Variants in DNAH2 observed in about 807,000 individuals in gnomAD.
DNAH2 encodes dynein axonemal heavy chain 2, also known as axonemal beta dynein heavy chain 2.
In DNAH2, 323 loss-of-function variants were observed where a neutral mutation model predicts 523.5. The observed-to-expected ratio is 0.62, with a 90% confidence interval of 0.56 to 0.68. The LOEUF (loss-of-function observed/expected upper bound fraction) is 0.68. Ranked by LOEUF, DNAH2 falls within the 30% of genes least tolerant of loss-of-function variation. The pLI, the probability that DNAH2 is intolerant of heterozygous loss-of-function variation, is 0.00. For missense variants in DNAH2, 4,907 were observed against 5,701.5 expected, an observed-to-expected ratio of 0.86 and a Z score of 4.49; for synonymous variants, 2,093 against 2,177.4, an observed-to-expected ratio of 0.96 and a Z score of 1.08.
In DNAH2 at chr17:7,740,453, G is replaced by A. The variant is rs1597492130; in HGVS notation, c.1410G>A (p.Met470Ile). The change falls in exon 10 of 86, where the codon ATG (methionine) becomes ATA (isoleucine). Residue 470 changes from methionine to isoleucine, a missense_variant. Around this residue, in one of 3 missense-constraint regions of DNAH2, gnomAD observed 2,806 missense variants for 3,190.8 expected, o/e 0.88. Coordinates refer to ENST00000572933, the MANE Select transcript of DNAH2 (RefSeq NM_020877.5). Reference protein sequence around the residue: ...FRAGIKDLEVMTQNLITSAFE... With the variant: ...FRAGIKDLEVITQNLITSAFE... ...CCGGAATCAAGGACCTGGAGGTGAT[G>A]ACCCAGAACCTGATCACCTCAGCCT... 1 of 1,614,178 alleles carries A rather than the reference G, an allele frequency of 6.2e-7. No homozygotes were observed. Among genetic ancestry groups the A allele is most frequent in the Non-Finnish European group, 8.5e-7 (1 of 1,180,020 alleles).
intron 2 of DNAH2, among the ~76,000 whole-genome samples, 168 bp from the exon 3 acceptor site, chr17:7,723,460 C>T (rs774535769): frequency 2.6e-5 from 4 of 151,418 alleles, no homozygotes; most frequent in East Asian, 1.9e-4. Flanking sequence ...TTAGTAGAGA[C>T]GGGGTTTCAC....
intron 77 of DNAH2, among the ~76,000 whole-genome samples, chr17:7,829,164 G>C (rs1216512349): frequency 6.6e-6 from 1 of 152,096 alleles, no homozygotes; most frequent in East Asian, 1.9e-4. Context: ...ACAGGTGCGT[G>C]TCACCACGCC....
At position 7,758,520 on chromosome 17, in the gene DNAH2, G is replaced by C; in HGVS notation, c.2077G>C (p.Glu693Gln). 1 of 1,614,076 alleles carries C rather than the reference G, an allele frequency of 6.2e-7. No homozygotes were observed. Among genetic ancestry groups the C allele is most frequent in the Non-Finnish European group, 8.5e-7 (1 of 1,180,016 alleles). Residue 693 changes from glutamate (E) to glutamine (Q), a missense_variant, in exon 14 of 86, where the codon GAG becomes CAG. Physicochemically the swap from Glu to Gln is conservative, Grantham distance 29 (BLOSUM62 2). This residue lies in a region of DNAH2 where 2,806 missense variants were observed against 3,190.8 expected (regional missense o/e 0.88). Transcript: ENST00000572933. ...NRIIAMLSPDEQALFKERIRL... is the reference protein window; with the variant it reads ...NRIIAMLSPDQQALFKERIRL... ...GATTATTGCCATGCTGTCCCCAGAT[G>C]AGCAGGCCCTATTCAAAGAGCGTAT...
At chr17:7,778,647 C>T (rs1297538051) in intron 35 of DNAH2, among the ~76,000 whole-genome samples, 178 bp downstream of exon 35, 1 of 152,186 alleles carries the variant, frequency 6.6e-6, no homozygotes, top group African/African-American at 2.4e-5. Context: ...CGGTTCACTG[C>T]AACCTTTGCC....
Position 7,757,102 on chromosome 17 carries a change from T to G in DNAH2, c.1916T>G (p.Ile639Ser). The G allele has an allele frequency of 2.5e-6, 4 of 1,614,128 alleles. No individual in the cohort carries two copies. Among genetic ancestry groups the G allele is most frequent in the Non-Finnish European group, 3.4e-6 (4 of 1,179,996 alleles). ...GCTCTCTCTCAAAGGTCCCTTCTGA[T>G]TCTCTTTGCGGAAATTGACTACTGG... is the stretch of plus-strand genomic sequence containing the variant. ...LDVNFDKSLL[I>S]LFAEIDYWER... is the part of the protein sequence containing the mutation. Residue 639 changes from isoleucine to serine, a missense_variant, in exon 13 of 86, where the codon ATT (isoleucine) becomes AGT (serine). Physicochemically the swap from Ile to Ser is moderately radical, Grantham distance 142. This residue lies in a region of DNAH2 where 2,806 missense variants were observed against 3,190.8 expected (regional missense o/e 0.88). Transcript: ENST00000572933.
Position 7,758,628 on chromosome 17 carries a change from G to T in DNAH2, c.2185G>T (p.Glu729Ter). Residue 729 changes from glutamate to a stop codon, truncating the protein, a stop_gained, in exon 14 of 86, where the codon GAG becomes TAG. Coordinates refer to ENST00000572933, the MANE Select transcript of DNAH2 (RefSeq NM_020877.5). LOFTEE classifies it high-confidence loss of function. ...GGGGGCCAGTGCCTTCTTCATCACGGAGTGCCGTATACATGCCAGCAAGGT... is the reference window on the plus strand; with the variant it reads ...GGGGGCCAGTGCCTTCTTCATCACGTAGTGCCGTATACATGCCAGCAAGGT... ...LKGASAFFIT[E>*]CRIHASKVQM... 1 of 1,613,946 alleles carries T rather than the reference G, an allele frequency of 6.2e-7. No individual in the cohort carries two copies. Among genetic ancestry groups the T allele is most frequent in the South Asian group, 1.1e-5 (1 of 90,976 alleles).
chr17:7,748,607 C>T lies in DNAH2; in HGVS notation c.1904+5465C>T, dbSNP rs139721607. Among the ~76,000 whole-genome samples, 5 of 152,268 alleles carry T rather than the reference C, an allele frequency of 3.3e-5. No individual in the cohort carries two copies. In the East Asian group the frequency reaches 9.7e-4, roughly 29 times the overall value. On this transcript the variant is annotated intron_variant, in intron 12 of 85. Transcript: ENST00000572933. The stretch of plus-strand genomic sequence containing the variant: ...GCCTCCCGGGCTCAAGCAACCCTCC[C>T]ACCTCAGCTTCCTGAGTACTGGGAA...
chr17:7,719,664 G>A (rs2074535462), intron 1 of DNAH2, 57 bp from the exon 2 acceptor site: 2 of 1,599,362 alleles, frequency 1.3e-6, no homozygotes, highest in South Asian at 1.1e-5. Context: ...CTTGTATCAG[G>A]GGGCTGGTTC....
Position 7,830,647 on chromosome 17 carries a change from A to T in DNAH2, c.12046-11A>T. 6.2e-7 allele frequency: 1 copy of T among 1,613,662 alleles called. No individual in the cohort carries two copies. Among genetic ancestry groups the T allele is most frequent in the Non-Finnish European group, 8.5e-7 (1 of 1,179,590 alleles). On this transcript the variant is annotated splice_polypyrimidine_tract_variant and intron_variant, in intron 78 of 85. Coordinates refer to ENST00000572933, the MANE Select transcript of DNAH2 (RefSeq NM_020877.5). ...TCTGGGAATGGGGGCTTGGGCTGGGATCATGCCTAGGTGTCAGAAAACTTG... is the reference window on the plus strand; with the variant it reads ...TCTGGGAATGGGGGCTTGGGCTGGGTTCATGCCTAGGTGTCAGAAAACTTG...
chr17:7,766,829 G>C (rs2076183006), intron 22 of DNAH2, among the ~76,000 whole-genome samples: 1 of 151,378 alleles, frequency 6.6e-6, no homozygotes, highest in African/African-American at 2.4e-5. Context: ...TATATTTTTA[G>C]TATAGAGATG....
rs1356677443 is a variant in DNAH2, at chr17:7,771,336, T to C, written c.4369T>C (p.Phe1457Leu). ...QRQWMYLENI[F>L]LGEDIRKQLP... ...CAACTTTTGGCCCCCTCAGAATATC[T>C]TCCTAGGAGAAGACATCCGCAAGCA... Residue 1457 changes from phenylalanine (F) to leucine (L), a missense_variant, in exon 28 of 86, where the codon TTC (phenylalanine) becomes CTC (leucine). Around this residue, in one of 3 missense-constraint regions of DNAH2, gnomAD observed 2,806 missense variants for 3,190.8 expected, o/e 0.88. Transcript: ENST00000572933. 6.2e-7 allele frequency: 1 copy of C among 1,614,078 alleles called. No homozygotes were observed. The highest frequency in any genetic ancestry group is 8.5e-7 in the Non-Finnish European group (1 of 1,180,002).
chr17:7,780,110 C>T lies in DNAH2; in HGVS notation c.5723-47C>T. 6.3e-7 allele frequency: 1 copy of T among 1,577,584 alleles called. No homozygotes were observed. The highest frequency in any genetic ancestry group is 8.6e-7 in the Non-Finnish European group (1 of 1,160,616). The stretch of plus-strand genomic sequence containing the variant: ...GGAAAGTGGGTTTGGGGAAGCAAAT[C>T]AAGATGAGGAAATATATGATTCTAA... On this transcript the variant is annotated intron_variant, in intron 36 of 85. Coordinates refer to ENST00000572933, the MANE Select transcript of DNAH2 (RefSeq NM_020877.5). This position sits in a 1 kb window ranked among gnomAD's most constrained non-coding sequence, Gnocchi z 4.4.
chr17:7,816,591 G>A lies in DNAH2; in HGVS notation c.9750G>A (p.Met3250Ile). The A allele has an allele frequency of 1.2e-6, 2 of 1,614,242 alleles. No homozygotes were observed. The highest frequency in any genetic ancestry group is 1.7e-6 in the Non-Finnish European group (2 of 1,180,044). The part of the protein sequence containing the change: ...KLREVAEKLE[M>I]LKKQYDEKLA... Reference sequence around the variant, plus strand: ...CCCAGGTAGCTGAGAAACTGGAGATGCTAAAGAAACAGTATGATGAGAAGC... The same window carrying A: ...CCCAGGTAGCTGAGAAACTGGAGATACTAAAGAAACAGTATGATGAGAAGC... The change falls in exon 64 of 86, where the codon ATG becomes ATA. Residue 3250 changes from methionine to isoleucine, a missense_variant. Met to Ile is a conservative substitution (Grantham distance 10). Transcript: ENST00000572933.
rs2075962012 is a variant in DNAH2, at chr17:7,760,047, C to T, written c.2785+109C>T. ...TTTCCAGGCATACTGGGCCAGTCAC[C>T]TCCCTGACCTGGGGAAAACTCAGGT... On this transcript the variant is annotated intron_variant, in intron 17 of 85. Coordinates refer to ENST00000572933, the MANE Select transcript of DNAH2 (RefSeq NM_020877.5). This position sits in a 1 kb window ranked among gnomAD's most constrained non-coding sequence, Gnocchi z 4.0. The T allele has an allele frequency of 2.0e-6, 3 of 1,521,838 alleles. No individual in the cohort carries two copies. The highest frequency in any genetic ancestry group is 1.8e-6 in the Non-Finnish European group (2 of 1,113,128). The allele number at this position is 1,521,838 out of a possible 1,614,324, so 94.3% of individuals were successfully genotyped here.
rs143277965 is a variant in DNAH2 at position 7,807,506 on chromosome 17, C to T, written c.9649C>T (p.Arg3217Ter). 1.7e-5 allele frequency: 28 copies of T among 1,613,388 alleles called. No individual in the cohort carries two copies. The highest frequency in any genetic ancestry group is 4.4e-5 in the South Asian group (4 of 91,092). Residue 3217 changes from arginine (R) to a stop codon, truncating the protein, a stop_gained, in exon 63 of 86, where the codon CGA (arginine) becomes TGA (stop). Transcript: ENST00000572933. LOFTEE classifies it high-confidence loss of function. The surrounding 1 kb of genome is among the most constrained non-coding windows in gnomAD (Gnocchi z 5.6). Reference protein sequence around the residue: ...GRLYRVVEPKRIRMNAALAQL... With the variant: ...GRLYRVVEPK The stretch of plus-strand genomic sequence containing the variant: ...GCTATATCGGGTGGTGGAGCCCAAG[C>T]GAATCCGAATGAACGCTGCCTTGGC...
intron 3 of DNAH2, among the ~76,000 whole-genome samples, chr17:7,726,562 C>T (rs1442471822): frequency 3.9e-5 from 6 of 152,142 alleles, no homozygotes; most frequent in Admixed American, 2.6e-4. Context: ...CTCGGCCTCC[C>T]AAAGTGCTGG....
chr17:7,737,084 A>G lies in DNAH2; in HGVS notation c.996A>G (p.Ala332=). The G allele has an allele frequency of 6.2e-7, 1 of 1,614,094 alleles. No individual in the cohort carries two copies. The highest frequency in any genetic ancestry group is 1.3e-5 in the African/African-American group (1 of 75,046). ...ACTGCCAGGATGGCTCTCGTCAAGC[A>G]CAGTCAAACCTGACCTTTTTGTCAA... ...AQQIQDGSRQ[A]QSNLTFLSIL... The change falls in exon 8 of 86, where the codon GCA becomes GCG. Residue 332 remains alanine, a synonymous_variant. Coordinates refer to ENST00000572933, the MANE Select transcript of DNAH2 (RefSeq NM_020877.5).
intron 4 of DNAH2, among the ~76,000 whole-genome samples, chr17:7,732,355 A>G (rs185877591): frequency 1.3e-4 from 20 of 150,720 alleles, no homozygotes; most frequent in Non-Finnish European, 1.9e-4. Flanking sequence ...GAATCGCTTG[A>G]ACCCGGGGGG....
At position 7,774,889 on chromosome 17, in the gene DNAH2, G is replaced by A. The variant is rs151132676; in HGVS notation, c.4632G>A (p.Glu1544=). 13 of 1,614,100 alleles carry A rather than the reference G, an allele frequency of 8.1e-6. No homozygotes were observed. In the African/African-American group the frequency reaches 1.5e-4, roughly 18 times the overall value. ...TCTTGTCCAATGATGACCTGCTGGA[G>A]ATTCTGGGCCAGTCCCGAAACCCAG... The part of the protein sequence containing the change: ...FYFLSNDDLL[E]ILGQSRNPEA... The change falls in exon 29 of 86, where the codon GAG becomes GAA. Residue 1544 remains glutamate (E), a synonymous_variant. Transcript: ENST00000572933.
Sources: gnomAD v4.1 joint callset for allele counts (sites outside exome capture counted in the v4.1 genomes callset) on GRCh38, gnomAD v4.1.1 for gene constraint, gnomAD v4.1.1 regional missense constraint, Gnocchi (gnomAD v3.1) non-coding constraint, MANE v1.5 for transcripts, NCBI Gene and HGNC (gene_info 2026-07-23, HGNC 2026-07-21) for gene names.